ADARB2: variants seen among roughly 807,000 people sequenced by gnomAD.
The protein encoded by ADARB2 is inactive double-stranded RNA-specific editase B2.
Under a neutral mutation model 62.2 loss-of-function variants are expected in ADARB2, and 25 were observed. That is an observed-to-expected ratio of 0.40 (90% CI 0.29 to 0.56). ADARB2 has a LOEUF of 0.56. Ranked by LOEUF, ADARB2 falls within the 20% of genes least tolerant of loss-of-function variation. ADARB2 has a pLI of 0.43. For synonymous variants in ADARB2, 572 were observed against 500.8 expected (o/e 1.14, Z -1.90); for missense variants, 1,071 against 1,077.4 (o/e 0.99, Z 0.08).
In ADARB2 at chr10:1,180,254, C is replaced by A. The variant is rs1382435218; in HGVS notation, c.*2939G>T. 2 of 148,056 alleles carry A rather than the reference C, an allele frequency of 1.4e-5. No individual in the cohort carries two copies. Among genetic ancestry groups the A allele is most frequent in the African/African-American group, 2.5e-5 (1 of 39,874 alleles). 9.2% of individuals were successfully genotyped at this position (148,056 alleles called of 1,614,324 possible). Reference sequence around the variant, plus strand: ...TGTGGGAATCCTGGGACCCGGCCCCCCCAAGCATAGCTGGGGCTGTGGGAA... The same window carrying A: ...TGTGGGAATCCTGGGACCCGGCCCCACCAAGCATAGCTGGGGCTGTGGGAA... On this transcript the variant is annotated 3_prime_UTR_variant, in exon 10 of 10. Coordinates refer to ENST00000381312, the MANE Select transcript of ADARB2 (RefSeq NM_018702.4).
chr10:1,419,032 G>C (rs934341736), intron 1 of ADARB2, among the ~76,000 whole-genome samples: 1 of 152,292 alleles, frequency 6.6e-6, no homozygotes, highest in African/African-American at 2.4e-5. Context: ...AGACAACACT[G>C]GTTTTCAGAA....
chr10:1,193,377 G>A (rs1459517067), intron 8 of ADARB2, among the ~76,000 whole-genome samples: 1 of 152,170 alleles, frequency 6.6e-6, no homozygotes, highest in Non-Finnish European at 1.5e-5. Flanking sequence ...TCATTTTTCA[G>A]CCTGATAATG....
At chr10:1,195,786 C>G (rs534026971) in intron 8 of ADARB2, among the ~76,000 whole-genome samples, 2 of 152,280 alleles carry the variant, frequency 1.3e-5, no homozygotes, top group Admixed American at 1.3e-4. Flanking sequence ...GCCAGCAAAG[C>G]ACAGTGGGGA....
chr10:1,617,161 C>T (rs1291294190), intron 1 of ADARB2, among the ~76,000 whole-genome samples: 9 of 137,798 alleles, frequency 6.5e-5, no homozygotes, highest in African/African-American at 1.9e-4. Flanking sequence ...ATCCTGGGAA[C>T]TGGCCTCAGA....
intron 1 of ADARB2, among the ~76,000 whole-genome samples, chr10:1,492,893 A>G (rs1399954691): frequency 6.6e-6 from 1 of 152,054 alleles, no homozygotes; most frequent in African/African-American, 2.4e-5. Context: ...GAGAGCTTTA[A>G]ACACAGGTCG....
At chr10:1,696,133 T>C (rs1312118130) in intron 1 of ADARB2, among the ~76,000 whole-genome samples, 2 of 130,942 alleles carry the variant, frequency 1.5e-5, no homozygotes, top group Admixed American at 8.1e-5. Flanking sequence ...GCATGTAGTA[T>C]CACACATGTA....
chr10:1,461,740 CT>C (rs990680191), intron 1 of ADARB2, among the ~76,000 whole-genome samples: 1 of 152,006 alleles, frequency 6.6e-6, no homozygotes, highest in Non-Finnish European at 1.5e-5. Context: ...TGGTTCATGC[CT>C]GAAATCCCAG....
At chr10:1,680,710 T>G (rs769643487) in intron 1 of ADARB2, among the ~76,000 whole-genome samples, 1 of 152,204 alleles carries the variant, frequency 6.6e-6, no homozygotes. Flanking sequence ...AGGACAGTTT[T>G]GCTTTAATAA....
At chr10:1,475,730 G>C (rs1207075479) in intron 1 of ADARB2, among the ~76,000 whole-genome samples, 1 of 152,168 alleles carries the variant, frequency 6.6e-6, no homozygotes, top group Non-Finnish European at 1.5e-5. Flanking sequence ...GCATAAATTT[G>C]GATGGAACTG....
At chr10:1,453,960 A>T (rs1190790491) in intron 1 of ADARB2, among the ~76,000 whole-genome samples, 1 of 152,206 alleles carries the variant, frequency 6.6e-6, no homozygotes, top group African/African-American at 2.4e-5. Context: ...CCATATAGTC[A>T]AGCAATTCTT....
intron 1 of ADARB2, among the ~76,000 whole-genome samples, chr10:1,490,746 C>T (rs1831611619): frequency 6.6e-6 from 1 of 152,224 alleles, no homozygotes; most frequent in Admixed American, 6.5e-5. Context: ...TGAGCCAAGA[C>T]AGCCAGCCTG....
At chr10:1,683,045 A>G (rs768307630) in intron 1 of ADARB2, among the ~76,000 whole-genome samples, 13 of 152,252 alleles carry the variant, frequency 8.5e-5, no homozygotes, top group Non-Finnish European at 1.8e-4. Flanking sequence ...GCGTGGAAGC[A>G]GAGATGACTA....
At chr10:1,223,064 G>A (rs543308025) in intron 6 of ADARB2, among the ~76,000 whole-genome samples, 4 of 151,960 alleles carry the variant, frequency 2.6e-5, no homozygotes, top group African/African-American at 7.3e-5. Context: ...ATTGTTCTTC[G>A]ATTTGTTTGT....
chr10:1,726,905 C>T (rs1194633344), intron 1 of ADARB2, among the ~76,000 whole-genome samples: 2 of 152,094 alleles, frequency 1.3e-5, no homozygotes, highest in African/African-American at 2.4e-5. Context: ...ACAGCGAGGG[C>T]GCCCATCTTC....
intron 1 of ADARB2, among the ~76,000 whole-genome samples, chr10:1,489,728 T>C (rs147622052): frequency 6.6e-6 from 1 of 152,328 alleles, no homozygotes; most frequent in East Asian, 1.9e-4. Context: ...CAGCACTTTC[T>C]GAAGCCTAGA....
rs938697 is a variant in ADARB2, at chr10:1,525,922, T to C, written c.101-146762A>G. On this transcript the variant is annotated intron_variant, in intron 1 of 9. Coordinates refer to ENST00000381312, the MANE Select transcript of ADARB2 (RefSeq NM_018702.4). The stretch of plus-strand genomic sequence containing the variant: ...GTGAGCGTGTATGCTCATGTGCACG[T>C]GTGTCTGTGTGTGAGCACGTATGGG... Among the ~76,000 whole-genome samples the C allele has an allele frequency of 2.4e-3, 359 of 152,088 alleles. 4 individuals carry two copies. The highest frequency in any genetic ancestry group is 8.2e-3 in the African/African-American group (340 of 41,542).
chr10:1,394,604 G>A (rs1256579603), intron 1 of ADARB2, among the ~76,000 whole-genome samples: 1 of 152,210 alleles, frequency 6.6e-6, no homozygotes, highest in African/African-American at 2.4e-5. Flanking sequence ...GGAATTTCAC[G>A]GAGGTTCGTG....
In ADARB2 at chr10:1,549,147, T is replaced by A. The variant is rs1832573975; in HGVS notation, c.101-169987A>T. Among the ~76,000 whole-genome samples, 3 of 130,258 alleles carry A rather than the reference T, an allele frequency of 2.3e-5. No individual in the cohort carries two copies. In the South Asian group the frequency reaches 8.2e-4, roughly 36 times the overall value. The allele number at this position is 130,258 out of a possible 152,430, so 85.5% of individuals were successfully genotyped here. On this transcript the variant is annotated intron_variant, in intron 1 of 9. Coordinates refer to ENST00000381312, the MANE Select transcript of ADARB2 (RefSeq NM_018702.4). ...CGGAGTTCGAAACACTAGGGGGGAA[T>A]CACTTTAGCTGGGGGGTCCCCTCCT...
chr10:1,414,888 T>C (rs1832788951), intron 1 of ADARB2, among the ~76,000 whole-genome samples: 1 of 152,084 alleles, frequency 6.6e-6, no homozygotes, highest in Non-Finnish European at 1.5e-5. Flanking sequence ...CATGGATGGT[T>C]AGATAGATGG....
Sources: allele counts gnomAD v4.1 joint callset (sites outside exome capture counted in the v4.1 genomes callset), GRCh38; gene constraint gnomAD v4.1.1; transcripts MANE v1.5; gene names NCBI Gene and HGNC (gene_info 2026-07-23, HGNC 2026-07-21).